The following CADM1 variants were observed in gnomAD, a reference collection of about 807,000 sequenced individuals.
The protein encoded by CADM1 is TSLC-1.
Under a neutral mutation model 53.1 loss-of-function variants are expected in CADM1, and 15 were observed. That is an observed-to-expected ratio of 0.28 (90% CI 0.19 to 0.44). CADM1 has a LOEUF of 0.44. CADM1 is among the 20% of genes least tolerant of loss of function. CADM1 has a pLI of 1.00. For missense variants in CADM1, 434 were observed against 611.3 expected (o/e 0.71, Z 3.06); for synonymous variants, 281 against 243.0 (o/e 1.16, Z -1.45).
chr11:115,450,520 C>T (rs773722305), intron 1 of CADM1, among the ~76,000 whole-genome samples: 3 of 152,172 alleles, frequency 2.0e-5, no homozygotes, highest in Admixed American at 6.6e-5. Flanking sequence ...ACTTCAAATG[C>T]GGAAAGCAGC....
chr11:115,378,084 G>A (rs1946484116), intron 1 of CADM1, among the ~76,000 whole-genome samples: 2 of 152,100 alleles, frequency 1.3e-5, no homozygotes. Context: ...TAATGAAGCT[G>A]ACCTCAGACT....
At chr11:115,400,661 GTATA>G (rs372594262) in intron 1 of CADM1, among the ~76,000 whole-genome samples, 2,226 of 45,424 alleles carry the variant, frequency 0.049, 44 homozygotes, top group East Asian at 0.1. Flanking sequence ...GTGTGTGTGT[GTATA>G]TATATATATA....
intron 1 of CADM1, among the ~76,000 whole-genome samples, chr11:115,353,476 C>A (rs2135067588): frequency 6.6e-6 from 1 of 152,288 alleles, no homozygotes; most frequent in South Asian, 2.1e-4. Context: ...AATTCCATAA[C>A]ATTTTGTTAA....
intron 1 of CADM1, among the ~76,000 whole-genome samples, chr11:115,448,260 C>A (rs1465132510): frequency 6.6e-6 from 1 of 152,072 alleles, no homozygotes; most frequent in Non-Finnish European, 1.5e-5. Context: ...TTTTGACTAT[C>A]AAAATTCCTA....
chr11:115,230,801 C>A (rs1320149932), intron 4 of CADM1, among the ~76,000 whole-genome samples: 1 of 152,212 alleles, frequency 6.6e-6, no homozygotes, highest in African/African-American at 2.4e-5. Context: ...CCTGTAAATT[C>A]ACAATTTAGA....
intron 1 of CADM1, among the ~76,000 whole-genome samples, chr11:115,326,705 A>G (rs943962347): frequency 1.3e-5 from 2 of 152,202 alleles, no homozygotes; most frequent in African/African-American, 4.8e-5. Flanking sequence ...AGTTGGTAGC[A>G]CTTAAAGATG....
intron 1 of CADM1, among the ~76,000 whole-genome samples, chr11:115,316,487 C>T (rs558854053): frequency 4.6e-5 from 7 of 152,200 alleles, no homozygotes; most frequent in South Asian, 2.1e-4. Context: ...GGCGGAATTC[C>T]GATCCTTCCA....
intron 7 of CADM1, among the ~76,000 whole-genome samples, chr11:115,212,871 G>A (rs1362221867): frequency 6.6e-5 from 10 of 152,156 alleles, no homozygotes; most frequent in East Asian, 1.9e-4. Context: ...TTGGAAAATC[G>A]TTACCATAGG....
At chr11:115,405,633 T>C (rs905548647) in intron 1 of CADM1, among the ~76,000 whole-genome samples, 1 of 152,122 alleles carries the variant, frequency 6.6e-6, no homozygotes, top group Non-Finnish European at 1.5e-5. Context: ...ATAAAATATA[T>C]ATAGCAGTGA....
chr11:115,183,641 T>G (rs1939414624), intron 10 of CADM1, among the ~76,000 whole-genome samples: 1 of 152,138 alleles, frequency 6.6e-6, no homozygotes, highest in Non-Finnish European at 1.5e-5. Context: ...GGTGACACAA[T>G]GATACACAAT....
chr11:115,345,051 T>G (rs1436130670), intron 1 of CADM1, among the ~76,000 whole-genome samples: 1 of 152,076 alleles, frequency 6.6e-6, no homozygotes, highest in African/African-American at 2.4e-5. Flanking sequence ...TAAACTAAAC[T>G]GACAAAAAGC....
chr11:115,184,841 C>G (rs530133250), intron 10 of CADM1, among the ~76,000 whole-genome samples: 1 of 152,208 alleles, frequency 6.6e-6, no homozygotes, highest in Admixed American at 6.5e-5. Flanking sequence ...TTTGGCTGTA[C>G]CTTGTCACTA....
rs564868653 is a variant in CADM1, at chr11:115,359,286, C to T, written c.125-118866G>A. ...GGGAAAGGACAACTATTCCCTTTAG[C>T]AGATTATTAAGTAATTTGGGGATAT... is the stretch of plus-strand genomic sequence containing the variant. On this transcript the variant is annotated intron_variant, in intron 1 of 11. Transcript: ENST00000331581. 2.4e-4 allele frequency among the ~76,000 whole-genome samples: 37 copies of T among 152,206 alleles called. 1 individual carries two copies. Among genetic ancestry groups the T allele is most frequent in the African/African-American group, 8.4e-4 (35 of 41,542 alleles).
At chr11:115,302,426 T>C (rs1183032971) in intron 1 of CADM1, among the ~76,000 whole-genome samples, 1 of 152,086 alleles carries the variant, frequency 6.6e-6, no homozygotes, top group Non-Finnish European at 1.5e-5. Context: ...TAAACTGATA[T>C]ATCAAAGAAA....
At chr11:115,298,697 G>A (rs1001516728) in intron 1 of CADM1, among the ~76,000 whole-genome samples, 2 of 152,174 alleles carry the variant, frequency 1.3e-5, no homozygotes, top group Admixed American at 1.3e-4. Context: ...GAAAATCAGC[G>A]AAGACACCAT....
intron 5 of CADM1, among the ~76,000 whole-genome samples, chr11:115,228,793 G>T (rs188044029): frequency 1.3e-5 from 2 of 152,198 alleles, no homozygotes; most frequent in South Asian, 2.1e-4. Context: ...GATAAAAAAA[G>T]GGGGAAAATT....
At chr11:115,196,595 T>TAA (rs61694033) in intron 9 of CADM1, among the ~76,000 whole-genome samples, 2,883 of 76,856 alleles carry the variant, frequency 0.038, 196 homozygotes, top group African/African-American at 0.092. Flanking sequence ...GCTGATGAAC[T>TAA]AAAAAAAAAA....
At chr11:115,231,220 T>C in intron 4 of CADM1, 133 bp downstream of exon 4, 1 of 999,068 alleles carries the variant, frequency 1.0e-6, no homozygotes. Context: ...ACATATTTAG[T>C]AACTGATTAT....
chr11:115,328,335 T>C (rs922310110), intron 1 of CADM1, among the ~76,000 whole-genome samples: 1 of 152,132 alleles, frequency 6.6e-6, no homozygotes. Flanking sequence ...TAATGACAGA[T>C]GTTTTGTCCA....
Sources: gnomAD v4.1 joint callset for allele counts (sites outside exome capture counted in the v4.1 genomes callset) on GRCh38, gnomAD v4.1.1 for gene constraint, MANE v1.5 for transcripts, NCBI Gene and HGNC (gene_info 2026-07-23, HGNC 2026-07-21) for gene names.